The following BRINP3 variants were observed in gnomAD, a reference collection of about 807,000 sequenced individuals.
The protein encoded by BRINP3 is BMP/retinoic acid inducible neural specific 3, also known as BMP/retinoic acid-inducible neural-specific protein 3.
A neutral mutation model predicts 71.0 loss-of-function variants in BRINP3; 19 were observed. The observed-to-expected ratio is 0.27, with a 90% CI of 0.19 to 0.39. BRINP3 has a LOEUF of 0.39. BRINP3 is among the 10% of genes least tolerant of loss of function. BRINP3 has a pLI of 1.00. For missense variants in BRINP3, 959 were observed against 940.8 expected, an observed-to-expected ratio of 1.02 and a Z score of -0.25; for synonymous variants, 380 against 337.7, an observed-to-expected ratio of 1.13 and a Z score of -1.37.
intron 2 of BRINP3, among the ~76,000 whole-genome samples, chr1:190,285,288 T>C (rs193201352): frequency 1.9e-3 from 285 of 152,256 alleles, no homozygotes; most frequent in African/African-American, 6.7e-3. Context: ...ACATTACTGA[T>C]GACATTTTAA....
chr1:190,208,560 G>A (rs374086808), intron 6 of BRINP3, among the ~76,000 whole-genome samples: 8 of 151,926 alleles, frequency 5.3e-5, no homozygotes, highest in South Asian at 4.2e-4. Context: ...TGGCAAAATC[G>A]CAGCTCACTG....
At chr1:190,296,243 C>T (rs78707434) in intron 2 of BRINP3, among the ~76,000 whole-genome samples, 1 of 58,456 alleles carries the variant, frequency 1.7e-5, no homozygotes, top group Non-Finnish European at 5.5e-5. Flanking sequence ...TAAAAAAAAA[C>T]ATGGGATGTA....
At chr1:190,162,080 G>A (rs1341730848) in intron 6 of BRINP3, among the ~76,000 whole-genome samples, 1 of 151,882 alleles carries the variant, frequency 6.6e-6, no homozygotes, top group Non-Finnish European at 1.5e-5. Context: ...GGAAAACTAA[G>A]CAAGGTAACA....
At chr1:190,103,077 A>G (rs1267012970) in intron 7 of BRINP3, among the ~76,000 whole-genome samples, 1 of 152,118 alleles carries the variant, frequency 6.6e-6, no homozygotes, top group Non-Finnish European at 1.5e-5. Context: ...ATGTGTCAAA[A>G]GAGGACTAGA....
chr1:190,442,102 C>T (rs1388801062), intron 2 of BRINP3, among the ~76,000 whole-genome samples: 1 of 152,044 alleles, frequency 6.6e-6, no homozygotes, highest in Non-Finnish European at 1.5e-5. Flanking sequence ...GGATTATAGT[C>T]TGTTACTTTT....
intron 7 of BRINP3, among the ~76,000 whole-genome samples, chr1:190,107,809 T>C (rs896014383): frequency 1.3e-5 from 2 of 152,002 alleles, no homozygotes; most frequent in African/African-American, 4.8e-5. Flanking sequence ...AATGTAACAG[T>C]GAACACTCTT....
At chr1:190,199,351 C>T (rs1654781410) in intron 6 of BRINP3, among the ~76,000 whole-genome samples, 1 of 152,040 alleles carries the variant, frequency 6.6e-6, no homozygotes, top group Non-Finnish European at 1.5e-5. Context: ...TTCCATTTTT[C>T]CTGGAGGTAC....
At chr1:190,223,362 G>C (rs1657057278) in intron 6 of BRINP3, among the ~76,000 whole-genome samples, 1 of 151,878 alleles carries the variant, frequency 6.6e-6, no homozygotes, top group Non-Finnish European at 1.5e-5. Flanking sequence ...TTCAACACAT[G>C]CAAATCAACA....
intron 7 of BRINP3, among the ~76,000 whole-genome samples, chr1:190,135,367 T>C (rs7523718): frequency 0.38 from 58,315 of 151,884 alleles, 11,931 homozygotes; most frequent in Non-Finnish European, 0.47. Context: ...GTTAGTAGAA[T>C]TGGGAGTTCA....
chr1:190,142,832 A>G (rs918812228), intron 7 of BRINP3, among the ~76,000 whole-genome samples: 1 of 115,140 alleles, frequency 8.7e-6, no homozygotes, highest in African/African-American at 3.4e-5. Context: ...TATTTAGGGA[A>G]AAAAAAAAAG....
At chr1:190,363,720 G>T (rs1217694276) in intron 2 of BRINP3, among the ~76,000 whole-genome samples, 1 of 152,048 alleles carries the variant, frequency 6.6e-6, no homozygotes, top group Non-Finnish European at 1.5e-5. Flanking sequence ...TGGAGAGTCT[G>T]GGCTAGAGTA....
At chr1:190,429,460 A>G (rs759861100) in intron 2 of BRINP3, among the ~76,000 whole-genome samples, 2 of 152,094 alleles carry the variant, frequency 1.3e-5, no homozygotes, top group Non-Finnish European at 2.9e-5. Context: ...TGAGATGAAA[A>G]CTTACTTTTC....
chr1:190,473,499 C>CA (rs1247151375), intron 1 of BRINP3, among the ~76,000 whole-genome samples: 2 of 146,224 alleles, frequency 1.4e-5, no homozygotes, highest in African/African-American at 5.0e-5. Flanking sequence ...GTGTTATTAA[C>CA]AAATAGAAGA....
intron 2 of BRINP3, among the ~76,000 whole-genome samples, chr1:190,359,976 A>T (rs1376010801): frequency 6.6e-6 from 1 of 152,136 alleles, no homozygotes; most frequent in South Asian, 2.1e-4. Flanking sequence ...TATTATTAGA[A>T]CACTAAAAAG....
At chr1:190,368,162 A>C (rs1283661047) in intron 2 of BRINP3, among the ~76,000 whole-genome samples, 3 of 152,136 alleles carry the variant, frequency 2.0e-5, no homozygotes, top group Non-Finnish European at 4.4e-5. Context: ...ATTAATGCAA[A>C]GTTCCGCATA....
intron 2 of BRINP3, among the ~76,000 whole-genome samples, chr1:190,318,813 A>G (rs1666050212): frequency 6.7e-6 from 1 of 148,590 alleles, no homozygotes; most frequent in Admixed American, 6.7e-5. Flanking sequence ...AAACAGCTTT[A>G]ATTACTTTAT....
intron 2 of BRINP3, among the ~76,000 whole-genome samples, chr1:190,447,700 A>T (rs944790400): frequency 6.6e-6 from 1 of 150,788 alleles, no homozygotes; most frequent in Non-Finnish European, 1.5e-5. Flanking sequence ...ACATACGAAG[A>T]TGTTTAATTA....
intron 2 of BRINP3, among the ~76,000 whole-genome samples, chr1:190,408,211 T>A (rs553299653): frequency 0.018 from 2,442 of 136,370 alleles, 24 homozygotes; most frequent in East Asian, 0.044. Flanking sequence ...TTATTTTTTT[T>A]TTTTTTGTAT....
At position 190,153,278 on chromosome 1, in the gene BRINP3, T is replaced by C. The variant is rs150682827; in HGVS notation, c.1184+7390A>G. Reference sequence around the variant, plus strand: ...GTTTGCATTTAGACCATTATCTTTATGGCCAATTTTATTTTGAGTATGAAA... The same window carrying C: ...GTTTGCATTTAGACCATTATCTTTACGGCCAATTTTATTTTGAGTATGAAA... On this transcript the variant is annotated intron_variant, in intron 7 of 7. Transcript: ENST00000367462. Among the ~76,000 whole-genome samples, 61 of 152,296 alleles carry C rather than the reference T, an allele frequency of 4.0e-4. 2 individuals carry two copies. The East Asian group carries it at 0.011, about 28-fold the overall frequency.
Sources: gnomAD v4.1 joint callset for allele counts (sites outside exome capture counted in the v4.1 genomes callset) on GRCh38, gnomAD v4.1.1 for gene constraint, MANE v1.5 for transcripts, NCBI Gene and HGNC (gene_info 2026-07-23, HGNC 2026-07-21) for gene names.